MOK: variants seen among roughly 807,000 people sequenced by gnomAD.
MOK encodes the protein MAPK/MAK/MRK overlapping kinase.
A neutral mutation model predicts 54.2 loss-of-function variants in MOK; 59 were observed. That is an observed-to-expected ratio of 1.09 (90% CI 0.88 to 1.35). The LOEUF is 1.35. MOK is among the 40% of genes most tolerant of loss of function. The probability of loss-of-function intolerance (pLI) is 0.00; values close to 1 mark genes in which losing one functional copy is unlikely to be tolerated. For synonymous variants in MOK, 210 were observed against 202.7 expected, an observed-to-expected ratio of 1.04 and a Z score of -0.31; for missense variants, 517 against 526.2, an observed-to-expected ratio of 0.98 and a Z score of 0.17.
At chr14:102,234,031 C>G (rs1306776870) in intron 7 of MOK, 1 of 436,588 alleles carries the variant, frequency 2.3e-6, no homozygotes, top group African/African-American at 2.0e-5. Context: ...CTCCCTCAAA[C>G]TCCCTTCCCC....
intron 1 of MOK, among the ~76,000 whole-genome samples, chr14:102,291,996 C>T (rs1211700460): frequency 6.6e-6 from 1 of 151,410 alleles, no homozygotes; most frequent in Non-Finnish European, 1.5e-5. Flanking sequence ...ATAAAGACTT[C>T]TTAGCACCAG....
At chr14:102,273,161 C>A (rs1400653289) in intron 2 of MOK, among the ~76,000 whole-genome samples, 1 of 151,028 alleles carries the variant, frequency 6.6e-6, no homozygotes, top group Non-Finnish European at 1.5e-5. Context: ...CAGAGCAAAA[C>A]TCCGTCTCAA....
chr14:102,227,328 C>T (rs944067183), downstream of MOK, among the ~76,000 whole-genome samples: 3 of 151,834 alleles, frequency 2.0e-5, no homozygotes, highest in Non-Finnish European at 4.4e-5. Flanking sequence ...ACCTGCGCGC[C>T]GCCCCCCCTA....
In MOK at chr14:102,251,000, G is replaced by T. The variant is rs747064605; in HGVS notation, c.412-10C>A. 4 of 1,613,040 alleles carry T rather than the reference G, an allele frequency of 2.5e-6. No individual in the cohort carries two copies. Among genetic ancestry groups the T allele is most frequent in the South Asian group, 2.2e-5 (2 of 91,042 alleles). Reference sequence around the variant, plus strand: ...ATTTCAGGACATCCTGCTGGAAGGGGAAAGAAGCAAGGACAAGTAACATCC... The same window carrying T: ...ATTTCAGGACATCCTGCTGGAAGGGTAAAGAAGCAAGGACAAGTAACATCC... On this transcript the variant is annotated splice_polypyrimidine_tract_variant and intron_variant, in intron 6 of 11. Coordinates refer to ENST00000361847, the MANE Select transcript of MOK (RefSeq NM_014226.3).
chr14:102,286,640 A>G (rs1182736952), intron 1 of MOK, among the ~76,000 whole-genome samples: 2 of 152,188 alleles, frequency 1.3e-5, no homozygotes, highest in East Asian at 3.8e-4. Context: ...GCTCAAGTAC[A>G]TATGACAGGA....
At chr14:102,274,157 C>T (rs71421258) in intron 2 of MOK, among the ~76,000 whole-genome samples, 19,432 of 151,552 alleles carry the variant, frequency 0.13, 1,718 homozygotes, top group African/African-American at 0.25. Context: ...TGGGGTTTCA[C>T]GGTTTTAGCC....
downstream of MOK, chr14:102,223,647 GTTAATA>G (rs1210005540): frequency 6.6e-6 from 1 of 152,548 alleles, no homozygotes; most frequent in African/African-American, 2.4e-5. Flanking sequence ...ATTCACAAAA[GTTAATA>G]TTAAAACTAT....
intron 2 of MOK, among the ~76,000 whole-genome samples, chr14:102,281,266 G>A (rs2069395385): frequency 6.6e-6 from 1 of 151,830 alleles, no homozygotes; most frequent in South Asian, 2.1e-4. Flanking sequence ...AGAGGTTGCA[G>A]TGAGCCAAGA....
At chr14:102,254,536 GTGA>G (rs1237172529) in intron 4 of MOK, among the ~76,000 whole-genome samples, 1 of 152,152 alleles carries the variant, frequency 6.6e-6, no homozygotes, top group Non-Finnish European at 1.5e-5. Flanking sequence ...CCTGGGTCCT[GTGA>G]TCAAACCCAG....
intron 2 of MOK, among the ~76,000 whole-genome samples, chr14:102,280,090 G>A (rs1248295326): frequency 6.6e-6 from 1 of 151,766 alleles, no homozygotes; most frequent in Non-Finnish European, 1.5e-5. Context: ...ACGGATTTTT[G>A]CGTGTGTGCG....
At position 102,283,482 on chromosome 14, in the gene MOK, C is replaced by G; in HGVS notation, c.118G>C (p.Glu40Gln). The stretch of plus-strand genomic sequence containing the variant: ...AAGTGCATCTCTGTAGCCTACCTTT[C>G]AAAGCGCTGCTTCATTTGTTTACAT... Reference protein sequence around the residue: ...YACKQMKQRFESIEQVNNLRE... With the variant: ...YACKQMKQRFQSIEQVNNLRE... Residue 40 changes from glutamate to glutamine, a missense_variant, in exon 2 of 12, where the codon GAA becomes CAA. By Grantham distance (29) the Glu-to-Gln change is conservative. Transcript: ENST00000361847. 6 of 1,607,478 alleles carry G rather than the reference C, an allele frequency of 3.7e-6. No homozygotes were observed. The highest frequency in any genetic ancestry group is 5.1e-6 in the Non-Finnish European group (6 of 1,176,594).
At chr14:102,261,376 G>C (rs1329881043) in intron 4 of MOK, among the ~76,000 whole-genome samples, 1 of 80,018 alleles carries the variant, frequency 1.2e-5, no homozygotes, top group South Asian at 5.6e-4. Context: ...CTGAGATCGC[G>C]CCACGTCTCA....
downstream of MOK, chr14:102,226,352 C>T (rs1429456564): frequency 1.3e-5 from 9 of 703,018 alleles, no homozygotes; most frequent in Admixed American, 1.0e-4. The surrounding 1 kb of genome is among the most constrained non-coding windows in gnomAD (Gnocchi z 4.8). Flanking sequence ...GAGGGATGAA[C>T]GTGTTTGAAT....
At chr14:102,298,895 A>G (rs1344360326) in intron 1 of MOK, among the ~76,000 whole-genome samples, 1 of 152,186 alleles carries the variant, frequency 6.6e-6, no homozygotes, top group Non-Finnish European at 1.5e-5. Context: ...GAACAAGTCC[A>G]GATGCGCCGC....
chr14:102,246,852 A>AT (rs754595289), intron 7 of MOK, among the ~76,000 whole-genome samples: 42 of 152,080 alleles, frequency 2.8e-4, no homozygotes, highest in Non-Finnish European at 5.4e-4. Flanking sequence ...ACCCTCAAGC[A>AT]TTCCCCTCAG....
chr14:102,288,728 C>A (rs2070414272), intron 1 of MOK, among the ~76,000 whole-genome samples: 1 of 152,152 alleles, frequency 6.6e-6, no homozygotes, highest in Non-Finnish European at 1.5e-5. Context: ...TTAAAACAGA[C>A]AACTCTGTGG....
At chr14:102,255,807 C>T (rs554112612) in intron 4 of MOK, among the ~76,000 whole-genome samples, 4 of 152,160 alleles carry the variant, frequency 2.6e-5, no homozygotes, top group Non-Finnish European at 5.9e-5. Context: ...TGAATTCCAG[C>T]AGGCCCCAAA....
intron 2 of MOK, among the ~76,000 whole-genome samples, chr14:102,271,554 A>T (rs1327427489): frequency 6.6e-6 from 1 of 152,026 alleles, no homozygotes; most frequent in Non-Finnish European, 1.5e-5. Flanking sequence ...TTATACCAAA[A>T]CCTAACAAAA....
At chr14:102,294,265 T>C (rs949163653) in intron 1 of MOK, among the ~76,000 whole-genome samples, 2 of 151,614 alleles carry the variant, frequency 1.3e-5, no homozygotes, top group Admixed American at 6.6e-5. Flanking sequence ...GCTAACATGG[T>C]GAAACCCCGT....
Sources: gnomAD v4.1 joint callset for allele counts (sites outside exome capture counted in the v4.1 genomes callset) on GRCh38, gnomAD v4.1.1 for gene constraint, Gnocchi (gnomAD v3.1) non-coding constraint, MANE v1.5 for transcripts, NCBI Gene and HGNC (gene_info 2026-07-23, HGNC 2026-07-21) for gene names.